PRDM11: variants seen among roughly 807,000 people sequenced by gnomAD.
The protein encoded by PRDM11 is PR domain-containing protein 11.
Under a neutral mutation model 97.8 loss-of-function variants are expected in PRDM11, and 20 were observed. That is an observed-to-expected ratio of 0.20 (90% CI 0.14 to 0.30). The LOEUF is 0.30. PRDM11 is among the 10% of genes least tolerant of loss of function. The pLI is 1.00. For missense variants in PRDM11, 1,139 were observed against 1,555.2 expected, an observed-to-expected ratio of 0.73 and a Z score of 4.50; for synonymous variants, 599 against 637.7, an observed-to-expected ratio of 0.94 and a Z score of 0.91.
intron 1 of PRDM11, among the ~76,000 whole-genome samples, chr11:45,106,188 C>T (rs1852058394): frequency 6.6e-6 from 1 of 152,166 alleles, no homozygotes; most frequent in African/African-American, 2.4e-5. Context: ...GGCCTCAAGC[C>T]CAGGCTGGCC....
chr11:45,168,695 C>T (rs565528170), intron 1 of PRDM11, among the ~76,000 whole-genome samples: 4 of 152,324 alleles, frequency 2.6e-5, no homozygotes, highest in African/African-American at 9.6e-5. Flanking sequence ...CTGGCTTCCT[C>T]ACTACATCAT....
intron 6 of PRDM11, among the ~76,000 whole-genome samples, chr11:45,223,858 A>G (rs1013813663): frequency 7.9e-5 from 12 of 152,104 alleles, no homozygotes; most frequent in African/African-American, 2.9e-4. Flanking sequence ...CTTGGCTCTG[A>G]GGTATGTTCC....
chr11:45,107,171 G>T (rs1160957373), intron 1 of PRDM11, among the ~76,000 whole-genome samples: 1 of 152,182 alleles, frequency 6.6e-6, no homozygotes, highest in Non-Finnish European at 1.5e-5. Context: ...GCACACCAGG[G>T]TCACCAGGCA....
chr11:45,112,993 T>C (rs1480001772), intron 1 of PRDM11, among the ~76,000 whole-genome samples: 1 of 152,176 alleles, frequency 6.6e-6, no homozygotes, highest in Non-Finnish European at 1.5e-5. Context: ...TTGTTGCATT[T>C]GTTTTGGGGG....
intron 1 of PRDM11, among the ~76,000 whole-genome samples, chr11:45,181,051 C>T (rs376839645): frequency 5.8e-4 from 88 of 152,288 alleles, no homozygotes; most frequent in East Asian, 4.3e-3. Context: ...CAGGGCCCAG[C>T]GCCGTCCCAG....
intron 1 of PRDM11, among the ~76,000 whole-genome samples, chr11:45,112,561 T>A (rs183692109): frequency 3.9e-5 from 6 of 152,366 alleles, no homozygotes; most frequent in Admixed American, 3.3e-4. Context: ...ACCAGCAACA[T>A]AAACGTGTTC....
chr11:45,211,227 G>T (rs1196265049), intron 5 of PRDM11, among the ~76,000 whole-genome samples: 1 of 152,146 alleles, frequency 6.6e-6, no homozygotes, highest in Non-Finnish European at 1.5e-5. Flanking sequence ...ACCAAACACT[G>T]CCAAGAGACA....
chr11:45,130,972 T>C (rs990722770), intron 1 of PRDM11, among the ~76,000 whole-genome samples: 10 of 152,164 alleles, frequency 6.6e-5, no homozygotes, highest in Non-Finnish European at 1.2e-4. Flanking sequence ...AGCAGCTTTG[T>C]TTAAAATAGC....
intron 5 of PRDM11, chr11:45,216,077 C>G (rs1267540972): frequency 6.6e-6 from 1 of 152,584 alleles, no homozygotes; most frequent in Non-Finnish European, 1.5e-5. Flanking sequence ...CTATCCAGTC[C>G]CCAAGGTCAG....
intron 1 of PRDM11, among the ~76,000 whole-genome samples, chr11:45,126,504 CT>C (rs1024435453): frequency 6.6e-6 from 1 of 152,042 alleles, no homozygotes; most frequent in Non-Finnish European, 1.5e-5. Context: ...TTAGTGCTTC[CT>C]TCAGGAGCTC....
chr11:45,101,413 G>A (rs994141567), intron 1 of PRDM11, among the ~76,000 whole-genome samples: 9 of 152,040 alleles, frequency 5.9e-5, no homozygotes, highest in Admixed American at 2.6e-4. Context: ...AAAATTAGCT[G>A]GGCATGGTGG....
intron 1 of PRDM11, among the ~76,000 whole-genome samples, chr11:45,156,798 C>T (rs1047313735): frequency 2.0e-5 from 3 of 152,054 alleles, no homozygotes; most frequent in Admixed American, 2.0e-4. Flanking sequence ...GTTAGGCCTC[C>T]CAGAGGAGGT....
intron 1 of PRDM11, among the ~76,000 whole-genome samples, chr11:45,168,161 G>T (rs1487018740): frequency 6.6e-6 from 1 of 152,206 alleles, no homozygotes; most frequent in African/African-American, 2.4e-5. Context: ...AGCAGGGCAG[G>T]ATGGAACAGC....
At position 45,229,587 on chromosome 11, in the gene PRDM11, A is replaced by C. The variant is rs1333192507; in HGVS notation, c.*1428A>C. The stretch of plus-strand genomic sequence containing the variant: ...TATTCCCTGGGGCAAGTAGTGGTTT[A>C]AACTAGAGGAGTCTGATCAATGCTC... On this transcript the variant is annotated 3_prime_UTR_variant, in exon 8 of 8. Transcript: ENST00000683152. The C allele has an allele frequency of 6.6e-6, 1 of 152,210 alleles. No homozygotes were observed. The highest frequency in any genetic ancestry group is 2.4e-5 in the African/African-American group (1 of 41,444). The allele number at this position is 152,210 out of a possible 1,614,324, so 9.4% of individuals were successfully genotyped here. A position where few individuals can be genotyped will look rare whatever the true frequency, so the allele number is the denominator to read the frequency against.
At chr11:45,113,752 G>T (rs2135611832) in intron 1 of PRDM11, among the ~76,000 whole-genome samples, 1 of 149,770 alleles carries the variant, frequency 6.7e-6, no homozygotes, top group South Asian at 2.1e-4. Flanking sequence ...TTGAATTTCA[G>T]CTTGGTTGTT....
chr11:45,097,491 A>G (rs1333333160), intron 1 of PRDM11, among the ~76,000 whole-genome samples: 2 of 151,130 alleles, frequency 1.3e-5, no homozygotes, highest in African/African-American at 2.5e-5. Context: ...CCCATTTAAC[A>G]GGTGAGGAAA....
chr11:45,110,430 G>T (rs1051580626), intron 1 of PRDM11, among the ~76,000 whole-genome samples: 1 of 152,158 alleles, frequency 6.6e-6, no homozygotes, highest in Non-Finnish European at 1.5e-5. Flanking sequence ...TTTTCTAAAG[G>T]GCCAGGTAGG....
In PRDM11 at chr11:45,230,812, A is replaced by AGTT; in HGVS notation, c.*2655_*2657dup. 6.6e-6 allele frequency: 1 copy of AGTT among 152,362 alleles called. No homozygotes were observed. The highest frequency in any genetic ancestry group is 1.5e-5 in the Non-Finnish European group (1 of 68,036). 9.4% of individuals were successfully genotyped at this position (152,362 alleles called of 1,614,324 possible). ...CCAGTGTCTTCCTGAGCACCTGGTC[A>AGTT]GTTGGAGCTACTCTTTTTCCTCTCA... On this transcript the variant is annotated 3_prime_UTR_variant, in exon 8 of 8. Coordinates refer to ENST00000683152, the MANE Select transcript of PRDM11 (RefSeq NM_001384648.1).
At chr11:45,207,964 TG>T (rs1853575629) in intron 5 of PRDM11, among the ~76,000 whole-genome samples, 1 of 152,114 alleles carries the variant, frequency 6.6e-6, no homozygotes, top group African/African-American at 2.4e-5. Flanking sequence ...GTTAAAAGGG[TG>T]ACAGAGCCAC....
Sources: gnomAD v4.1 joint callset for allele counts (sites outside exome capture counted in the v4.1 genomes callset) on GRCh38, gnomAD v4.1.1 for gene constraint, MANE v1.5 for transcripts, NCBI Gene and HGNC (gene_info 2026-07-23, HGNC 2026-07-21) for gene names.